Variants in STARD8 observed in about 807,000 individuals in gnomAD.
STARD8 encodes the protein stAR-related lipid transfer protein 8.
A neutral mutation model predicts 69.4 loss-of-function variants in STARD8; 25 were observed. The observed-to-expected ratio is 0.36, with a 90% CI of 0.26 to 0.50. The LOEUF is 0.50. STARD8 is among the 20% of genes least tolerant of loss of function. STARD8 has a pLI of 0.96. For missense variants in STARD8, 921 were observed against 932.5 expected, an observed-to-expected ratio of 0.99 and a Z score of 0.16; for synonymous variants, 389 against 374.6, an observed-to-expected ratio of 1.04 and a Z score of -0.45.
In STARD8 at chrX:68,719,218, C is replaced by T. The variant is rs2080125324; in HGVS notation, c.1716-7C>T. The T allele has an allele frequency of 8.5e-7, 1 of 1,174,700 alleles. No homozygotes were observed. Among genetic ancestry groups the T allele is most frequent in the Non-Finnish European group, 1.1e-6 (1 of 875,760 alleles). On this transcript the variant is annotated splice_region_variant and splice_polypyrimidine_tract_variant and intron_variant, in intron 6 of 14. Coordinates refer to ENST00000374599, the MANE Select transcript of STARD8 (RefSeq NM_001142503.3). ...GCTTCTCCACCCCTCTCACCGCCCCCCACCAGGAAGCTCCGTTGGCATAGC... is the reference window on the plus strand; with the variant it reads ...GCTTCTCCACCCCTCTCACCGCCCCTCACCAGGAAGCTCCGTTGGCATAGC...
intron 11 of STARD8, 36 bp from the exon 12 acceptor site, chrX:68,722,386 C>T (rs181412723): frequency 8.8e-7 from 1 of 1,138,409 alleles, no homozygotes; most frequent in African/African-American, 1.8e-5. Flanking sequence ...CTCCTGCTCT[C>T]TGGAGCTGCA....
Position 68,724,754 on chromosome X carries a change from G to A in STARD8, c.*332G>A, listed in dbSNP as rs903893702. The A allele has an allele frequency of 2.2e-5, 4 of 185,228 alleles. No individual in the cohort carries two copies. The highest frequency in any genetic ancestry group is 7.5e-5 in the Admixed American group (1 of 13,406). 15.3% of individuals were successfully genotyped at this position (185,228 alleles called of 1,213,427 possible). ...TGGCATGAAGCCTCCACAGCTCCCC[G>A]CCTGCAGGGGCAAAGAGGTCGACAG... On this transcript the variant is annotated 3_prime_UTR_variant, in exon 15 of 15. Coordinates refer to ENST00000374599, the MANE Select transcript of STARD8 (RefSeq NM_001142503.3).
intron 2 of STARD8, among the ~76,000 whole-genome samples, chrX:68,676,993 A>G (rs1354407132): frequency 1.8e-5 from 2 of 109,418 alleles, no homozygotes; most frequent in African/African-American, 3.3e-5. Flanking sequence ...CAAAAAAAAA[A>G]AAATTAGCCA....
Position 68,647,891 on chromosome X carries a change from G to T in STARD8, c.9G>T (p.Leu3=), listed in dbSNP as rs763030242. Reference sequence around the variant, plus strand: ...GCTCCCCACGCGCCACCATGCCTCTGCTGGACGTTTTCTGGTCTTGCTTCA... The same window carrying T: ...GCTCCCCACGCGCCACCATGCCTCTTCTGGACGTTTTCTGGTCTTGCTTCA... MP[L]LDVFWSCFRK... The change falls in exon 1 of 15, where the codon CTG becomes CTT. Residue 3 remains leucine, a synonymous_variant. Coordinates refer to ENST00000374599, the MANE Select transcript of STARD8 (RefSeq NM_001142503.3). The T allele has an allele frequency of 8.3e-7, 1 of 1,200,374 alleles. No individual in the cohort carries two copies. The highest frequency in any genetic ancestry group is 1.1e-6 in the Non-Finnish European group (1 of 889,837).
At chrX:68,656,656 C>T (rs964188666) in intron 1 of STARD8, 16 of 112,164 alleles carry the variant, frequency 1.4e-4, no homozygotes, top group African/African-American at 4.2e-4. Context: ...CACCTATACA[C>T]ACCATGGAAT....
intron 2 of STARD8, among the ~76,000 whole-genome samples, chrX:68,666,180 G>A (rs1204335701): frequency 8.9e-6 from 1 of 111,964 alleles, no homozygotes; most frequent in Non-Finnish European, 1.9e-5. Context: ...TGTCTAGAGA[G>A]GGATAACAGC....
intron 2 of STARD8, among the ~76,000 whole-genome samples, chrX:68,673,177 G>C (rs2079740658): frequency 9.0e-6 from 1 of 111,374 alleles, no homozygotes; most frequent in South Asian, 3.8e-4. Context: ...TTAACCTATG[G>C]CCCAAGAAAG....
At chrX:68,657,005 A>AAAG (rs1285770411) in intron 1 of STARD8, among the ~76,000 whole-genome samples, 1 of 112,097 alleles carries the variant, frequency 8.9e-6, no homozygotes, top group Non-Finnish European at 1.9e-5. Flanking sequence ...TTAAAAGTAT[A>AAAG]ATTAAAAAAG....
chrX:68,721,386 A>C (rs2080147158), intron 9 of STARD8, 150 bp from the exon 10 acceptor site: 1 of 599,919 alleles, frequency 1.7e-6, no homozygotes, highest in Admixed American at 3.8e-5. Context: ...TAGATCAAGC[A>C]CCCAGAGACC....
At chrX:68,692,407 C>G (rs1334916997) in intron 2 of STARD8, among the ~76,000 whole-genome samples, 1 of 112,181 alleles carries the variant, frequency 8.9e-6, no homozygotes, top group Non-Finnish European at 1.9e-5. Context: ...GCCTAGTGAA[C>G]TGAAAGCTAG....
rs946488213 is a variant in STARD8, at chrX:68,680,580, T to C, written c.79+15048T>C. ...AGCTTTTCTTTCTGGCAAGGCCAGT[T>C]TGCATGAATGGACAGAGCCCTGGAA... On this transcript the variant is annotated intron_variant, in intron 2 of 14. Transcript: ENST00000374599. 8.0e-5 allele frequency among the ~76,000 whole-genome samples: 9 copies of C among 112,359 alleles called. No individual in the cohort carries two copies. The East Asian group carries it at 2.5e-3, about 32-fold the overall frequency.
At chrX:68,666,732 T>C (rs2079685889) in intron 2 of STARD8, among the ~76,000 whole-genome samples, 1 of 112,204 alleles carries the variant, frequency 8.9e-6, no homozygotes, top group African/African-American at 3.2e-5. Flanking sequence ...GCATACAGCA[T>C]ACATCTGCTT....
At chrX:68,647,965 A>G (rs906954533) in intron 1 of STARD8, 38 bp downstream of exon 1, 1 of 1,181,830 alleles carries the variant, frequency 8.5e-7, no homozygotes, top group Non-Finnish European at 1.1e-6. Flanking sequence ...CCCGCTGCTC[A>G]GGGGGGAAGG....
At chrX:68,652,432 G>A in intron 1 of STARD8, among the ~76,000 whole-genome samples, 2 of 111,347 alleles carry the variant, frequency 1.8e-5, no homozygotes, top group Middle Eastern at 9.1e-3. Context: ...TGGGAAGGTG[G>A]CAAAAGGCCA....
intron 2 of STARD8, 48 bp downstream of exon 2, chrX:68,665,580 C>A: frequency 1.7e-6 from 2 of 1,171,123 alleles, no homozygotes; most frequent in Non-Finnish European, 2.3e-6. Flanking sequence ...AGAGACTGAG[C>A]TTCTCAGTAG....
At position 68,724,449 on chromosome X, in the gene STARD8, C is replaced by T. The variant is rs1178948886; in HGVS notation, c.*27C>T. On this transcript the variant is annotated 3_prime_UTR_variant, in exon 15 of 15. Transcript: ENST00000374599. The stretch of plus-strand genomic sequence containing the variant: ...CCTTGGGCTGGTCCCAGGGTGGCAC[C>T]ACCCAGGCCCCCTGGGCACCAAGGG... The T allele has an allele frequency of 8.7e-7, 1 of 1,148,166 alleles. No homozygotes were observed. The highest frequency in any genetic ancestry group is 1.2e-6 in the Non-Finnish European group (1 of 844,999). The allele number at this position is 1,148,166 out of a possible 1,213,427, so 94.6% of individuals were successfully genotyped here. A position where few individuals can be genotyped will look rare whatever the true frequency, so the allele number is the denominator to read the frequency against.
chrX:68,692,279 C>A (rs2079882251), intron 2 of STARD8, among the ~76,000 whole-genome samples: 1 of 111,927 alleles, frequency 8.9e-6, no homozygotes, highest in Non-Finnish European at 1.9e-5. Flanking sequence ...GGCAGTCCTG[C>A]CATCAAGAGG....
chrX:68,658,251 G>A (rs905811857), intron 1 of STARD8, among the ~76,000 whole-genome samples: 13 of 112,081 alleles, frequency 1.2e-4, no homozygotes, highest in South Asian at 7.4e-4. Context: ...ATCCTGCAAG[G>A]CAAGCTATCA....
intron 2 of STARD8, among the ~76,000 whole-genome samples, chrX:68,674,693 C>T (rs1387807629): frequency 9.0e-6 from 1 of 111,305 alleles, no homozygotes; most frequent in Non-Finnish European, 1.9e-5. Context: ...AATTCATAAA[C>T]CTCTGGGTCT....
Sources: allele counts gnomAD v4.1 joint callset (sites outside exome capture counted in the v4.1 genomes callset), GRCh38; gene constraint gnomAD v4.1.1; transcripts MANE v1.5; gene names NCBI Gene and HGNC (gene_info 2026-07-23, HGNC 2026-07-21).